The following SEC24A variants were observed in gnomAD, a reference collection of about 807,000 sequenced individuals.
SEC24A encodes SEC24 homolog A, COPII component, also known as protein transport protein Sec24A.
In SEC24A, 93 loss-of-function variants were observed where a neutral mutation model predicts 129.4. That is an observed-to-expected ratio of 0.72 (90% CI 0.61 to 0.85). The LOEUF is 0.85. SEC24A is among the 40% of genes least tolerant of loss of function. The pLI, the probability that SEC24A is intolerant of heterozygous loss-of-function variation, is 0.00. For missense variants in SEC24A, 1,264 were observed against 1,307.4 expected (o/e 0.97, Z 0.51); for synonymous variants, 460 against 467.3 (o/e 0.98, Z 0.20).
At chr5:134,710,873 T>C (rs1162919408) in intron 18 of SEC24A, among the ~76,000 whole-genome samples, 2 of 152,184 alleles carry the variant, frequency 1.3e-5, no homozygotes, top group Non-Finnish European at 2.9e-5. Context: ...TGGTGGCTCA[T>C]GCCTGTAATC....
Position 134,671,858 on chromosome 5 carries a change from C to G in SEC24A, c.789C>G (p.Tyr263Ter). ...NNGSMVVHSS[Y>*]DEIEGGGLLA... is the part of the protein sequence containing the mutation. Reference sequence around the variant, plus strand: ...GATCTATGGTGGTCCACAGTAGTTACGACGAGATTGAAGGAGGTGGCTTAT... The same window carrying G: ...GATCTATGGTGGTCCACAGTAGTTAGGACGAGATTGAAGGAGGTGGCTTAT... Residue 263 changes from tyrosine (Y) to a stop codon, truncating the protein, a stop_gained, in exon 4 of 23, where the codon TAC becomes TAG. Coordinates refer to ENST00000398844, the MANE Select transcript of SEC24A (RefSeq NM_021982.3). LOFTEE classifies it high-confidence loss of function. 1 of 1,608,676 alleles carries G rather than the reference C, an allele frequency of 6.2e-7. No individual in the cohort carries two copies. The highest frequency in any genetic ancestry group is 8.5e-7 in the Non-Finnish European group (1 of 1,177,896).
intron 9 of SEC24A, among the ~76,000 whole-genome samples, chr5:134,685,784 C>T (rs936430328): frequency 3.9e-5 from 6 of 152,028 alleles, no homozygotes; most frequent in African/African-American, 1.4e-4. Flanking sequence ...ATCAGGAGTT[C>T]AAGACCAGCC....
intron 18 of SEC24A, among the ~76,000 whole-genome samples, chr5:134,709,636 T>C (rs994887166): frequency 2.0e-5 from 3 of 152,116 alleles, no homozygotes; most frequent in South Asian, 2.1e-4. Flanking sequence ...TGGGGAGATA[T>C]TGAACAAAAG....
intron 21 of SEC24A, among the ~76,000 whole-genome samples, chr5:134,722,889 C>CTGTTATCCCAGA (rs1752663960): frequency 6.6e-6 from 1 of 152,160 alleles, no homozygotes; most frequent in African/African-American, 2.4e-5. Context: ...CATGGTGGCT[C>CTGTTATCCCAGA]ACACCTGTTA....
At chr5:134,659,802 G>A (rs1017765978) in intron 1 of SEC24A, among the ~76,000 whole-genome samples, 3 of 152,002 alleles carry the variant, frequency 2.0e-5, no homozygotes, top group East Asian at 1.9e-4. Context: ...ACAGGCAGGC[G>A]CCACCACACC....
chr5:134,707,196 T>C (rs745441024), intron 17 of SEC24A, among the ~76,000 whole-genome samples: 14 of 152,188 alleles, frequency 9.2e-5, no homozygotes, highest in Non-Finnish European at 2.1e-4. Flanking sequence ...TTACCCACTT[T>C]CTTGAATTTC....
Position 134,682,476 on chromosome 5 carries a change from A to T in SEC24A, c.1485A>T (p.Glu495Asp), listed in dbSNP as rs1751309385. 3 of 1,543,112 alleles carry T rather than the reference A, an allele frequency of 1.9e-6. No homozygotes were observed. The highest frequency in any genetic ancestry group is 2.7e-6 in the Non-Finnish European group (3 of 1,117,358). The change falls in exon 9 of 23, where the codon GAA (glutamate) becomes GAT (aspartate). Residue 495 changes from glutamate (E) to aspartate (D), a missense_variant. Physicochemically the swap from Glu to Asp is conservative, Grantham distance 45. Transcript: ENST00000398844. ...CTATTGAGTTTATGGCTCCTTCAGA[A>T]TACATGGTAAACTTTTATTTTTTGA... ...NATIEFMAPSEYMLRPPQPPV... is the reference protein window; with the variant it reads ...NATIEFMAPSDYMLRPPQPPV...
At chr5:134,649,749 T>C (rs1366506116) in intron 1 of SEC24A, among the ~76,000 whole-genome samples, 1 of 152,188 alleles carries the variant, frequency 6.6e-6, no homozygotes, top group Non-Finnish European at 1.5e-5. Context: ...GACTTCTAGA[T>C]GTCTGGACAG....
Position 134,727,324 on chromosome 5 carries a change from A to G in SEC24A, c.*2230A>G, listed in dbSNP as rs1752778231. The G allele has an allele frequency of 6.6e-6, 1 of 152,580 alleles. No homozygotes were observed. The highest frequency in any genetic ancestry group is 2.4e-5 in the African/African-American group (1 of 41,452). The allele number at this position is 152,580 out of a possible 1,614,324, so 9.5% of individuals were successfully genotyped here. On this transcript the variant is annotated 3_prime_UTR_variant, in exon 23 of 23. Transcript: ENST00000398844. ...ACTACTAATGTAACAGACAAGGGCA[A>G]TCTTGGTATTTAAATCTGAGCATGG...
chr5:134,648,719 CT>C (rs1296808122), upstream of SEC24A: 1 of 169,378 alleles, frequency 5.9e-6, no homozygotes, highest in African/African-American at 2.4e-5. Context: ...GCGGCGGCTG[CT>C]GCGAGCCCGG....
At chr5:134,703,563 T>C (rs1034878555) in intron 15 of SEC24A, among the ~76,000 whole-genome samples, 196 bp from the exon 16 acceptor site, 1 of 152,136 alleles carries the variant, frequency 6.6e-6, no homozygotes, top group Admixed American at 6.6e-5. Flanking sequence ...CTACCGCACC[T>C]GACCCAAAAA....
At chr5:134,671,706 T>G in intron 3 of SEC24A, 103 bp from the exon 4 acceptor site, 1 of 684,154 alleles carries the variant, frequency 1.5e-6, no homozygotes. Context: ...TTAAATTATT[T>G]GTTGTTTAGA....
Position 134,697,234 on chromosome 5 carries a change from T to G in SEC24A, c.2095T>G (p.Leu699Val). 1 of 1,597,552 alleles carries G rather than the reference T, an allele frequency of 6.3e-7. No homozygotes were observed. The highest frequency in any genetic ancestry group is 8.6e-7 in the Non-Finnish European group (1 of 1,168,300). Residue 699 changes from leucine (L) to valine (V), a missense_variant, in exon 14 of 23, where the codon TTG (leucine) becomes GTG (valine). By Grantham distance (32) the Leu-to-Val change is conservative. Transcript: ENST00000398844. ...LFLLSGQYSD[L>V]ASLGCISRYS... ...CCTTCTCAGTGGACAGTATTCTGAT[T>G]TGGCTTCTCTGGGTAAGTTCTTCGT...
chr5:134,717,159 G>A (rs980826203), intron 19 of SEC24A, among the ~76,000 whole-genome samples: 38 of 152,118 alleles, frequency 2.5e-4, no homozygotes, highest in Admixed American at 1.1e-3. Flanking sequence ...AATTACAGGC[G>A]TGAGCCACTG....
intron 11 of SEC24A, among the ~76,000 whole-genome samples, chr5:134,689,316 G>A (rs1387694430): frequency 2.6e-5 from 4 of 152,098 alleles, no homozygotes; most frequent in Non-Finnish European, 4.4e-5. Flanking sequence ...CAATTCCACC[G>A]TTCAATATAT....
chr5:134,727,248 T>A lies in SEC24A; in HGVS notation c.*2154T>A, dbSNP rs990571907. ...TATTTACACTATGCCATATTTTTTT[T>A]AATTATAGTTGTAAATTATGAAAGA... On this transcript the variant is annotated 3_prime_UTR_variant, in exon 23 of 23. Coordinates refer to ENST00000398844, the MANE Select transcript of SEC24A (RefSeq NM_021982.3). The A allele has an allele frequency of 5.2e-5, 8 of 152,624 alleles. No homozygotes were observed. The highest frequency in any genetic ancestry group is 2.1e-4 in the South Asian group (1 of 4,834). 9.5% of individuals were successfully genotyped at this position (152,624 alleles called of 1,614,324 possible). A position where few individuals can be genotyped will look rare whatever the true frequency, so the allele number is the denominator to read the frequency against.
At chr5:134,715,819 G>A (rs911850370) in intron 19 of SEC24A, among the ~76,000 whole-genome samples, 3 of 145,872 alleles carry the variant, frequency 2.1e-5, no homozygotes, top group African/African-American at 5.1e-5. Context: ...AAACCTGCAC[G>A]TTCTGCACAT....
chr5:134,701,815 T>C (rs1044496154), intron 15 of SEC24A, among the ~76,000 whole-genome samples: 1 of 152,146 alleles, frequency 6.6e-6, no homozygotes, highest in Non-Finnish European at 1.5e-5. Context: ...CACCACCCTC[T>C]TTCTAGAGTG....
At chr5:134,694,480 T>C (rs559730380) in intron 13 of SEC24A, among the ~76,000 whole-genome samples, 1 of 151,968 alleles carries the variant, frequency 6.6e-6, no homozygotes, top group Non-Finnish European at 1.5e-5. Flanking sequence ...ACCCCATCTC[T>C]ACTAAAAATA....
Sources: allele counts gnomAD v4.1 joint callset (sites outside exome capture counted in the v4.1 genomes callset), GRCh38; gene constraint gnomAD v4.1.1; transcripts MANE v1.5; gene names NCBI Gene and HGNC (gene_info 2026-07-23, HGNC 2026-07-21).